Variants in TOX observed in about 807,000 individuals in gnomAD.
The protein encoded by TOX is thymocyte selection associated high mobility group box.
Under a neutral mutation model 53.7 loss-of-function variants are expected in TOX, and 11 were observed. That is an observed-to-expected ratio of 0.20 (90% CI 0.13 to 0.34). TOX has a LOEUF of 0.34. Among genes scored for constraint, TOX ranks in the 10% least tolerant of loss-of-function variants. The pLI is 1.00. For synonymous variants in TOX, 225 were observed against 245.3 expected (o/e 0.92, Z 0.77); for missense variants, 570 against 664.6 (o/e 0.86, Z 1.56).
chr8:59,089,843 C>A (rs1047913460), intron 1 of TOX, among the ~76,000 whole-genome samples: 1 of 152,220 alleles, frequency 6.6e-6, no homozygotes, highest in African/African-American at 2.4e-5. Context: ...CTTGGCCTCA[C>A]AAAATGCTGG....
At chr8:59,052,404 A>G (rs1803807848) in intron 1 of TOX, among the ~76,000 whole-genome samples, 1 of 152,192 alleles carries the variant, frequency 6.6e-6, no homozygotes, top group Non-Finnish European at 1.5e-5. Flanking sequence ...TGTCATGTGG[A>G]AATAAATCAT....
At chr8:59,064,136 T>C (rs1277168017) in intron 1 of TOX, among the ~76,000 whole-genome samples, 1 of 152,162 alleles carries the variant, frequency 6.6e-6, no homozygotes, top group East Asian at 1.9e-4. Context: ...CTATTGTAAT[T>C]ACCATGTTCC....
At chr8:58,840,647 AAAAC>A (rs1810628189) in intron 4 of TOX, among the ~76,000 whole-genome samples, 1 of 152,174 alleles carries the variant, frequency 6.6e-6, no homozygotes, top group Non-Finnish European at 1.5e-5. Context: ...CTTGAGAGAC[AAAAC>A]AAACAAGCAA....
intron 1 of TOX, among the ~76,000 whole-genome samples, chr8:59,102,781 T>G (rs183564277): frequency 5.1e-4 from 77 of 152,068 alleles, no homozygotes; most frequent in Middle Eastern, 3.4e-3. Context: ...CTGCCTGTGG[T>G]GGAAGGAAGA....
chr8:58,988,091 C>T (rs918635746), intron 1 of TOX, among the ~76,000 whole-genome samples: 4 of 152,122 alleles, frequency 2.6e-5, no homozygotes, highest in African/African-American at 9.7e-5. Flanking sequence ...AAAATACTAT[C>T]TATAAAGTAA....
chr8:58,987,640 C>CAA (rs1813357886), intron 1 of TOX, among the ~76,000 whole-genome samples: 1 of 152,188 alleles, frequency 6.6e-6, no homozygotes, highest in South Asian at 2.1e-4. Context: ...GTTTTAAGGT[C>CAA]AACGACATGA....
At chr8:58,858,326 TC>T (rs1810949428) in intron 3 of TOX, among the ~76,000 whole-genome samples, 2 of 152,188 alleles carry the variant, frequency 1.3e-5, no homozygotes, top group South Asian at 4.1e-4. Flanking sequence ...TATTCCTCCT[TC>T]AAGTATCTGC....
At chr8:59,027,319 G>A (rs1388154325) in intron 1 of TOX, among the ~76,000 whole-genome samples, 1 of 152,100 alleles carries the variant, frequency 6.6e-6, no homozygotes, top group South Asian at 2.1e-4. Context: ...TACAGACCAC[G>A]AAAGTATCCT....
At chr8:58,877,858 TAAAA>T (rs76496222) in intron 3 of TOX, among the ~76,000 whole-genome samples, 77 of 147,730 alleles carry the variant, frequency 5.2e-4, no homozygotes, top group Admixed American at 1.2e-3. Context: ...GCCTACATAT[TAAAA>T]AAAAAAAAAG....
intron 1 of TOX, among the ~76,000 whole-genome samples, chr8:59,066,508 A>G (rs1804096581): frequency 6.6e-6 from 1 of 152,196 alleles, no homozygotes; most frequent in Non-Finnish European, 1.5e-5. Context: ...ATAATATTAA[A>G]TATTTGTGAC....
At chr8:59,106,423 A>ATCT (rs1804904235) in intron 1 of TOX, among the ~76,000 whole-genome samples, 1 of 152,204 alleles carries the variant, frequency 6.6e-6, no homozygotes. Flanking sequence ...ACATCATCCA[A>ATCT]GTATATTATA....
intron 2 of TOX, among the ~76,000 whole-genome samples, chr8:58,956,017 G>A (rs373218140): frequency 2.0e-5 from 3 of 152,094 alleles, no homozygotes; most frequent in Non-Finnish European, 4.4e-5. Context: ...TTACAGGCAT[G>A]AGCAACCACG....
chr8:59,051,215 C>T (rs1315081004), intron 1 of TOX, among the ~76,000 whole-genome samples: 1 of 151,982 alleles, frequency 6.6e-6, no homozygotes, highest in Non-Finnish European at 1.5e-5. Context: ...AGATTTGGTC[C>T]CTTAGAGAAG....
At chr8:58,915,246 G>A (rs1318429747) in intron 3 of TOX, among the ~76,000 whole-genome samples, 2 of 146,830 alleles carry the variant, frequency 1.4e-5, no homozygotes, top group Non-Finnish European at 3.0e-5. Context: ...ACCTCTGGGG[G>A]CAGGGCACAG....
intron 1 of TOX, among the ~76,000 whole-genome samples, chr8:59,001,113 G>A (rs1392577586): frequency 6.6e-6 from 1 of 152,108 alleles, no homozygotes; most frequent in Non-Finnish European, 1.5e-5. Flanking sequence ...AAGTAAGTCT[G>A]CGAAATACCT....
intron 3 of TOX, among the ~76,000 whole-genome samples, chr8:58,906,633 CTTCT>C (rs1261983953): frequency 6.6e-6 from 1 of 152,112 alleles, no homozygotes; most frequent in Non-Finnish European, 1.5e-5. Flanking sequence ...ATTGTGTATC[CTTCT>C]GTCAGTTTCT....
intron 3 of TOX, among the ~76,000 whole-genome samples, chr8:58,864,339 T>C (rs753077436): frequency 6.6e-6 from 1 of 152,196 alleles, no homozygotes; most frequent in Non-Finnish European, 1.5e-5. Context: ...TAGTCTGTAG[T>C]TTCAAGACTA....
At chr8:58,927,047 C>CA (rs1812174516) in intron 3 of TOX, among the ~76,000 whole-genome samples, 1 of 145,100 alleles carries the variant, frequency 6.9e-6, no homozygotes, top group African/African-American at 2.5e-5. Context: ...ATTGTCACAC[C>CA]TTTTTTTTTT....
intron 3 of TOX, among the ~76,000 whole-genome samples, chr8:58,871,673 T>C (rs1384909179): frequency 6.6e-6 from 1 of 152,276 alleles, no homozygotes; most frequent in East Asian, 1.9e-4. Flanking sequence ...CCATGGCAGA[T>C]GGTGGAATGG....
Sources: gnomAD v4.1 joint callset for allele counts (sites outside exome capture counted in the v4.1 genomes callset) on GRCh38, gnomAD v4.1.1 for gene constraint, MANE v1.5 for transcripts, NCBI Gene and HGNC (gene_info 2026-07-23, HGNC 2026-07-21) for gene names.